Variants in SLC9A8 observed in about 807,000 individuals in gnomAD.
The protein encoded by SLC9A8 is solute carrier family 9 member A8.
Under a neutral mutation model 66.6 loss-of-function variants are expected in SLC9A8, and 48 were observed. The ratio of observed to expected loss-of-function variants is 0.72; its 90% CI spans 0.57 to 0.92. SLC9A8 has a LOEUF of 0.92. SLC9A8 is among the 40% of genes least tolerant of loss of function. SLC9A8 has a pLI of 0.00. For synonymous variants in SLC9A8, 274 were observed against 282.6 expected (o/e 0.97, Z 0.31); for missense variants, 599 against 747.3 (o/e 0.80, Z 2.31).
intron 3 of SLC9A8, among the ~76,000 whole-genome samples, chr20:49,834,177 C>CTA (rs2087340001): frequency 9.5e-4 from 54 of 56,944 alleles, no homozygotes; most frequent in Non-Finnish European, 1.7e-3. Context: ...CTCTCTCTCT[C>CTA]TCTCTCTCTA....
intron 10 of SLC9A8, among the ~76,000 whole-genome samples, chr20:49,869,025 G>C (rs2089087558): frequency 6.6e-6 from 1 of 152,200 alleles, no homozygotes. Context: ...AGTCAAGCCA[G>C]TTTTGAGGGC....
chr20:49,883,170 A>G (rs2089696506), intron 13 of SLC9A8, among the ~76,000 whole-genome samples: 1 of 151,990 alleles, frequency 6.6e-6, no homozygotes, highest in South Asian at 2.1e-4. Flanking sequence ...CTAACAGAGG[A>G]ATGTGCTGTT....
intron 14 of SLC9A8, 188 bp downstream of exon 14, chr20:49,884,254 C>CACG (rs1359364148): frequency 0.013 from 4,128 of 319,082 alleles, 269 homozygotes; most frequent in South Asian, 0.02. Flanking sequence ...CACACACACA[C>CACG]ACACGACACA....
chr20:49,891,974 T>C lies in SLC9A8; in HGVS notation c.*4038T>C, dbSNP rs532776274. 6.6e-6 allele frequency: 1 copy of C among 152,332 alleles called. No individual in the cohort carries two copies. The highest frequency in any genetic ancestry group is 2.1e-4 in the South Asian group (1 of 4,824). The allele number at this position is 152,332 out of a possible 1,614,324, so 9.4% of individuals were successfully genotyped here. A position where few individuals can be genotyped will look rare whatever the true frequency, so the allele number is the denominator to read the frequency against. On this transcript the variant is annotated 3_prime_UTR_variant, in exon 16 of 16. Transcript: ENST00000361573. ...TGGGTTTTTGTTTTAAGAAGCATTA[T>C]GAAGGCCAGACTTACTCATTTTTCT...
chr20:49,841,887 G>A (rs1029504716), intron 4 of SLC9A8, among the ~76,000 whole-genome samples: 11 of 151,760 alleles, frequency 7.2e-5, no homozygotes, highest in African/African-American at 2.4e-4. Flanking sequence ...GAGCCACTGC[G>A]CCTGGGTGTG....
Position 49,884,265 on chromosome 20 carries a change from C to CACACACACG in SLC9A8, c.1491+208_1491+216dup, listed in dbSNP as rs2089774927. On this transcript the variant is annotated intron_variant, in intron 14 of 15. Transcript: ENST00000361573. ...ACGACACACACACACACACGACACA[C>CACACACACG]ACACACACGACACACACACACACGA... 43 of 334,140 alleles carry CACACACACG rather than the reference C, an allele frequency of 1.3e-4. 2 individuals are homozygous for CACACACACG. Among genetic ancestry groups the CACACACACG allele is most frequent in the South Asian group, 3.3e-4 (14 of 42,410 alleles). The allele number at this position is 334,140 out of a possible 1,614,324, so 20.7% of individuals were successfully genotyped here.
chr20:49,868,577 G>A (rs926291746), intron 10 of SLC9A8, among the ~76,000 whole-genome samples: 2 of 152,222 alleles, frequency 1.3e-5, no homozygotes, highest in African/African-American at 2.4e-5. Flanking sequence ...TTCCTAGGAA[G>A]TGGGAATTAT....
chr20:49,889,268 G>A lies in SLC9A8; in HGVS notation c.*1332G>A, dbSNP rs953424006. On this transcript the variant is annotated 3_prime_UTR_variant, in exon 16 of 16. Coordinates refer to ENST00000361573, the MANE Select transcript of SLC9A8 (RefSeq NM_015266.3). ...GCCTTGGAACCTGGCACCCTGGGGT[G>A]GTTTAATTCATCATTAAGAAGCATT... 6 of 152,258 alleles carry A rather than the reference G, an allele frequency of 3.9e-5. No homozygotes were observed. Among genetic ancestry groups the A allele is most frequent in the African/African-American group, 1.4e-4 (6 of 41,444 alleles). 9.4% of individuals were successfully genotyped at this position (152,258 alleles called of 1,614,324 possible).
At chr20:49,847,070 A>G (rs766978613) in intron 5 of SLC9A8, among the ~76,000 whole-genome samples, 1 of 152,244 alleles carries the variant, frequency 6.6e-6, no homozygotes, top group Non-Finnish European at 1.5e-5. Flanking sequence ...GTACTAAAAC[A>G]AAAGCATATT....
At chr20:49,842,224 C>T (rs2087798026) in intron 4 of SLC9A8, among the ~76,000 whole-genome samples, 2 of 151,498 alleles carry the variant, frequency 1.3e-5, no homozygotes, top group African/African-American at 4.9e-5. Context: ...TGCCTGCCAC[C>T]ACGCCCGGCT....
At chr20:49,852,579 T>C (rs1262544470) in intron 7 of SLC9A8, among the ~76,000 whole-genome samples, 12 of 152,242 alleles carry the variant, frequency 7.9e-5, no homozygotes, top group Admixed American at 7.9e-4. Flanking sequence ...ATTTTGTTAA[T>C]GTTGCTATCT....
At position 49,883,876 on chromosome 20, in the gene SLC9A8, G is replaced by A. The variant is rs963726676; in HGVS notation, c.1301G>A (p.Ser434Asn). Residue 434 changes from serine (S) to asparagine (N), a missense_variant, in exon 14 of 16, where the codon AGC becomes AAC. Coordinates refer to ENST00000361573, the MANE Select transcript of SLC9A8 (RefSeq NM_015266.3). ...GLRGAIPYAL[S>N]LHLDLEPMEK... The stretch of plus-strand genomic sequence containing the variant: ...CGGGGAGCCATCCCCTATGCCCTGA[G>A]CCTACACCTGGACCTGGAGCCCATG... The A allele has an allele frequency of 1.2e-6, 2 of 1,608,656 alleles. No individual in the cohort carries two copies. Among genetic ancestry groups the A allele is most frequent in the Non-Finnish European group, 1.7e-6 (2 of 1,179,980 alleles).
At chr20:49,864,973 AG>A in intron 10 of SLC9A8, 129 bp downstream of exon 10, 3 of 654,148 alleles carry the variant, frequency 4.6e-6, no homozygotes, top group Non-Finnish European at 8.2e-6. Context: ...TAAGTAATAA[AG>A]GAAATCTATT....
chr20:49,864,361 G>A (rs1316579184), intron 9 of SLC9A8, among the ~76,000 whole-genome samples: 1 of 152,156 alleles, frequency 6.6e-6, no homozygotes, highest in Non-Finnish European at 1.5e-5. Flanking sequence ...GGGTGATGCC[G>A]GCCCTGGGAG....
chr20:49,871,096 C>T (rs977531251), intron 10 of SLC9A8, among the ~76,000 whole-genome samples: 9 of 152,290 alleles, frequency 5.9e-5, no homozygotes, highest in African/African-American at 1.9e-4. Context: ...TACGTCTGAG[C>T]GGGCAGTATG....
rs140661120 is a variant in SLC9A8, at chr20:49,817,126, G to A, written c.208+1937G>A. The stretch of plus-strand genomic sequence containing the variant: ...AGGTCAGGAGTTCGAGACCAGCCTG[G>A]CCAACACGATGACTCCATCTCTACT... On this transcript the variant is annotated intron_variant, in intron 2 of 15. Transcript: ENST00000361573. Among the ~76,000 whole-genome samples the A allele has an allele frequency of 4.1e-3, 615 of 149,944 alleles. 5 individuals carry two copies. The highest frequency in any genetic ancestry group is 0.015 in the African/African-American group (596 of 41,034).
At chr20:49,834,388 GTA>G (rs1467586621) in intron 3 of SLC9A8, among the ~76,000 whole-genome samples, 1 of 58,840 alleles carries the variant, frequency 1.7e-5, no homozygotes, top group Non-Finnish European at 3.0e-5. Flanking sequence ...TATATACTGT[GTA>G]TATATATATA....
chr20:49,837,679 C>G (rs1293074406), intron 3 of SLC9A8, among the ~76,000 whole-genome samples: 1 of 152,116 alleles, frequency 6.6e-6, no homozygotes, highest in African/African-American at 2.4e-5. Flanking sequence ...AAGTGATTCT[C>G]CTGCCTCAGC....
chr20:49,835,683 T>A (rs1002974760), intron 3 of SLC9A8, among the ~76,000 whole-genome samples: 8 of 138,254 alleles, frequency 5.8e-5, no homozygotes, highest in Non-Finnish European at 1.2e-4. Context: ...AATTCACTTT[T>A]TTTTTTTTTT....
Sources: allele counts gnomAD v4.1 joint callset (sites outside exome capture counted in the v4.1 genomes callset), GRCh38; gene constraint gnomAD v4.1.1; transcripts MANE v1.5; gene names NCBI Gene and HGNC (gene_info 2026-07-23, HGNC 2026-07-21).